SMOC2: variants seen among roughly 807,000 people sequenced by gnomAD.
SMOC2 encodes the protein SPARC related modular calcium binding 2.
In SMOC2, 39 loss-of-function variants were observed where a neutral mutation model predicts 61.4. That is an observed-to-expected ratio of 0.64 (90% CI 0.49 to 0.83). The LOEUF (loss-of-function observed/expected upper bound fraction) is 0.83, where lower values mean the gene tolerates loss of function less well. SMOC2 is among the 40% of genes least tolerant of loss of function. SMOC2 has a pLI of 0.00. For missense variants in SMOC2, 556 were observed against 592.9 expected, an observed-to-expected ratio of 0.94 and a Z score of 0.65; for synonymous variants, 247 against 239.9, an observed-to-expected ratio of 1.03 and a Z score of -0.27.
rs1163098951 is a variant in SMOC2, at chr6:168,453,727, ATC to A, written c.84+12277_84+12278del. Among the ~76,000 whole-genome samples the A allele has an allele frequency of 6.9e-6, 1 of 145,754 alleles. No individual in the cohort carries two copies. The highest frequency in any genetic ancestry group is 2.6e-5 in the African/African-American group (1 of 39,036). On this transcript the variant is annotated intron_variant, in intron 1 of 12. Transcript: ENST00000356284. This position sits in a 1 kb window ranked among gnomAD's most constrained non-coding sequence, Gnocchi z 4.4. ...TGATCTCTGCCATTCTACATACTACATCTCTGTCTATCTCTGTCTCTCTGTCT... is the reference window on the plus strand; with the variant it reads ...TGATCTCTGCCATTCTACATACTACATCTGTCTATCTCTGTCTCTCTGTCT...
At chr6:168,485,223 A>G (rs1782303580) in intron 1 of SMOC2, among the ~76,000 whole-genome samples, 1 of 152,212 alleles carries the variant, frequency 6.6e-6, no homozygotes, top group Non-Finnish European at 1.5e-5. Context: ...AAACCCTCAT[A>G]TAGTTTGGAG....
chr6:168,513,017 C>T (rs1419311923), intron 2 of SMOC2, among the ~76,000 whole-genome samples: 1 of 27,894 alleles, frequency 3.6e-5, no homozygotes, highest in African/African-American at 5.1e-5. Flanking sequence ...AAATATCTTT[C>T]TATAAAATGT....
intron 1 of SMOC2, among the ~76,000 whole-genome samples, chr6:168,462,310 A>G (rs990312246): frequency 1.3e-5 from 2 of 152,170 alleles, no homozygotes; most frequent in African/African-American, 4.8e-5. Context: ...TCCTGGGGGA[A>G]GTTTGACTTT....
chr6:168,477,180 C>G (rs1355719877), intron 1 of SMOC2, among the ~76,000 whole-genome samples: 1 of 152,162 alleles, frequency 6.6e-6, no homozygotes. Context: ...AAAGAACAGC[C>G]TTTCCTGTGG....
At chr6:168,651,310 T>C (rs1787185057) in intron 10 of SMOC2, among the ~76,000 whole-genome samples, 1 of 152,150 alleles carries the variant, frequency 6.6e-6, no homozygotes, top group Admixed American at 6.5e-5. Context: ...CCTGGAGATG[T>C]TCCTTGAGTA....
chr6:168,449,453 A>C (rs1454313542), intron 1 of SMOC2, among the ~76,000 whole-genome samples: 1 of 152,214 alleles, frequency 6.6e-6, no homozygotes, highest in Non-Finnish European at 1.5e-5. Context: ...ATGTGCTTAT[A>C]ATTTTAAAAA....
rs1782058135 is a variant in SMOC2, at chr6:168,475,495, A to G, written c.84+34041A>G. ...TGGTCTCATGCGGGCTCTGAGCAAG[A>G]CGGGTGAGATGTTCTGTAAACCTGT... On this transcript the variant is annotated intron_variant, in intron 1 of 12. Transcript: ENST00000356284. The surrounding 1 kb of genome is among the most constrained non-coding windows in gnomAD (Gnocchi z 4.6). 6.6e-6 allele frequency among the ~76,000 whole-genome samples: 1 copy of G among 152,082 alleles called. No homozygotes were observed. The highest frequency in any genetic ancestry group is 1.5e-5 in the Non-Finnish European group (1 of 68,004).
intron 1 of SMOC2, among the ~76,000 whole-genome samples, chr6:168,460,108 C>A (rs539884998): frequency 8.5e-5 from 13 of 152,072 alleles, no homozygotes; most frequent in African/African-American, 3.1e-4. Flanking sequence ...TGACTGATAC[C>A]CCAAAAGATA....
intron 2 of SMOC2, among the ~76,000 whole-genome samples, chr6:168,525,408 T>TA (rs1250389013): frequency 4.6e-5 from 7 of 152,214 alleles, no homozygotes; most frequent in East Asian, 1.9e-4. Flanking sequence ...TCACGTGTCT[T>TA]AACCTGGCCC....
At chr6:168,460,910 C>G (rs1583032658) in intron 1 of SMOC2, among the ~76,000 whole-genome samples, 1 of 152,142 alleles carries the variant, frequency 6.6e-6, no homozygotes, top group East Asian at 1.9e-4. Flanking sequence ...CAAACTGGGT[C>G]AGTGTGAGGG....
rs867854771 is a variant in SMOC2 at position 168,562,443 on chromosome 6, T to C, written c.637+13240T>C. On this transcript the variant is annotated intron_variant, in intron 7 of 12. Transcript: ENST00000356284. Reference sequence around the variant, plus strand: ...ACCCTGAGACACGAGGCTCTCACTGTGTTCTCGGAGGAGGTGTCATTTTCC... The same window carrying C: ...ACCCTGAGACACGAGGCTCTCACTGCGTTCTCGGAGGAGGTGTCATTTTCC... Among the ~76,000 whole-genome samples, 190 of 122,650 alleles carry C rather than the reference T, an allele frequency of 1.5e-3. 1 individual carries two copies. The highest frequency in any genetic ancestry group is 4.8e-3 in the Middle Eastern group (1 of 208). 80.5% of individuals were successfully genotyped at this position (122,650 alleles called of 152,430 possible). A position where few individuals can be genotyped will look rare whatever the true frequency, so the allele number is the denominator to read the frequency against.
At chr6:168,646,186 T>C (rs1205548818) in intron 9 of SMOC2, among the ~76,000 whole-genome samples, 1 of 152,206 alleles carries the variant, frequency 6.6e-6, no homozygotes, top group Non-Finnish European at 1.5e-5. Context: ...TAATGTTACT[T>C]GCGTGTGAAA....
chr6:168,627,952 C>A (rs1372933558), intron 9 of SMOC2, among the ~76,000 whole-genome samples: 1 of 152,182 alleles, frequency 6.6e-6, no homozygotes, highest in African/African-American at 2.4e-5. Flanking sequence ...GCACTGCAGG[C>A]TCCCACGGAG....
intron 9 of SMOC2, among the ~76,000 whole-genome samples, chr6:168,649,754 A>C (rs1208220335): frequency 1.3e-5 from 2 of 152,136 alleles, no homozygotes; most frequent in African/African-American, 4.8e-5. Context: ...GCAAGCATGT[A>C]TTGGGCAGCT....
At chr6:168,599,670 TC>T (rs1350736598) in intron 8 of SMOC2, among the ~76,000 whole-genome samples, 1 of 67,342 alleles carries the variant, frequency 1.5e-5, no homozygotes, top group Non-Finnish European at 3.0e-5. Flanking sequence ...ACTCACACAC[TC>T]CCCTACACAC....
At chr6:168,465,485 AAAG>A (rs939040404) in intron 1 of SMOC2, among the ~76,000 whole-genome samples, 11 of 152,238 alleles carry the variant, frequency 7.2e-5, no homozygotes, top group African/African-American at 2.4e-4. Context: ...AAAAAAGAAA[AAAG>A]AAAGACTTTT....
chr6:168,597,817 A>G (rs546902904), intron 7 of SMOC2, among the ~76,000 whole-genome samples: 1 of 152,276 alleles, frequency 6.6e-6, no homozygotes, highest in East Asian at 1.9e-4. Flanking sequence ...TCATTCCTAG[A>G]TGCTACCGCT....
Position 168,667,115 on chromosome 6 carries a change from T to C in SMOC2, c.*677T>C. On this transcript the variant is annotated 3_prime_UTR_variant, in exon 13 of 13. Coordinates refer to ENST00000356284, the MANE Select transcript of SMOC2 (RefSeq NM_001166412.2). ...TAAGCTTCTGTTTTGAGTTTTGCCC[T>C]GGGGCTTGAATGAGTCCCAGAGAGT... The C allele has an allele frequency of 6.6e-6, 1 of 152,444 alleles. No individual in the cohort carries two copies. The highest frequency in any genetic ancestry group is 2.4e-5 in the African/African-American group (1 of 41,584). 9.4% of individuals were successfully genotyped at this position (152,444 alleles called of 1,614,324 possible).
intron 1 of SMOC2, among the ~76,000 whole-genome samples, chr6:168,478,972 G>A (rs923817241): frequency 6.6e-6 from 1 of 151,596 alleles, no homozygotes; most frequent in Admixed American, 6.6e-5. Flanking sequence ...AATGATTTAT[G>A]GTATCTGGTC....
Sources: gnomAD v4.1 joint callset for allele counts (sites outside exome capture counted in the v4.1 genomes callset) on GRCh38, gnomAD v4.1.1 for gene constraint, Gnocchi (gnomAD v3.1) non-coding constraint, MANE v1.5 for transcripts, NCBI Gene and HGNC (gene_info 2026-07-23, HGNC 2026-07-21) for gene names.